AGAP1: variants seen among roughly 807,000 people sequenced by gnomAD.
AGAP1 encodes ArfGAP with GTPase domain, ankyrin repeat and PH domain 1, also known as arf-GAP with GTPase, ANK repeat and PH domain-containing protein 1.
AGAP1 carries 29 observed loss-of-function variants against 105.3 expected under a neutral mutation model. The ratio of observed to expected loss-of-function variants is 0.28; its 90% CI spans 0.21 to 0.38. The LOEUF (loss-of-function observed/expected upper bound fraction) is 0.38, where lower values mean the gene tolerates loss of function less well. Among genes scored for constraint, AGAP1 ranks in the 10% least tolerant of loss-of-function variants. The pLI, the probability that AGAP1 is intolerant of heterozygous loss-of-function variation, is 1.00. For synonymous variants in AGAP1, 509 were observed against 485.9 expected, an observed-to-expected ratio of 1.05 and a Z score of -0.63; for missense variants, 998 against 1,165.1, an observed-to-expected ratio of 0.86 and a Z score of 2.09.
At chr2:235,646,816 C>T (rs1169155878) in intron 1 of AGAP1, among the ~76,000 whole-genome samples, 1 of 152,302 alleles carries the variant, frequency 6.6e-6, no homozygotes, top group Middle Eastern at 3.4e-3. Flanking sequence ...GGCCGGGCTC[C>T]AAGCAAGCTT....
chr2:235,853,700 G>A (rs557115897), intron 9 of AGAP1, among the ~76,000 whole-genome samples: 1 of 152,242 alleles, frequency 6.6e-6, no homozygotes, highest in Non-Finnish European at 1.5e-5. Flanking sequence ...GCCTCATTTA[G>A]GGAGTAAAGT....
In AGAP1 at chr2:235,867,087, G is replaced by GGGGCGC. The variant is rs2049207628; in HGVS notation, c.1051-16257_1051-16252dup. Among the ~76,000 whole-genome samples, 2 of 152,318 alleles carry GGGGCGC rather than the reference G, an allele frequency of 1.3e-5. No homozygotes were observed. The highest frequency in any genetic ancestry group is 4.1e-4 in the South Asian group (2 of 4,826). ...CTGCAGCTCAGCATGGGAGGCTAAA[G>GGGGCGC]GGGCGCTCACCAGGATGGCCAGAGG... is the stretch of plus-strand genomic sequence containing the variant. On this transcript the variant is annotated intron_variant, in intron 9 of 17. Transcript: ENST00000304032. This position sits in a 1 kb window ranked among gnomAD's most constrained non-coding sequence, Gnocchi z 5.4.
At chr2:236,110,917 C>T (rs901036537) in intron 16 of AGAP1, among the ~76,000 whole-genome samples, 7 of 152,314 alleles carry the variant, frequency 4.6e-5, no homozygotes, top group Non-Finnish European at 5.9e-5. Context: ...CCGGCAGATT[C>T]GGTGTCTGGT....
chr2:235,783,313 C>G (rs1352391127), intron 6 of AGAP1: 2 of 470,530 alleles, frequency 4.3e-6, no homozygotes, highest in East Asian at 7.0e-5. Context: ...CATTTACATA[C>G]CTCAGGTCAA....
intron 1 of AGAP1, chr2:235,670,033 G>T (rs1352287865): frequency 3.1e-5 from 11 of 354,240 alleles, no homozygotes; most frequent in Non-Finnish European, 5.5e-5. Flanking sequence ...TGCCCTCCCC[G>T]CTTGGCCCGG....
chr2:235,949,691 A>G (rs2053650559), intron 12 of AGAP1, among the ~76,000 whole-genome samples: 2 of 151,978 alleles, frequency 1.3e-5, no homozygotes, highest in South Asian at 4.1e-4. Flanking sequence ...AAATCTTTCC[A>G]TTTTCCACTT....
At chr2:235,884,966 G>A (rs1232571162) in intron 10 of AGAP1, among the ~76,000 whole-genome samples, 1 of 151,970 alleles carries the variant, frequency 6.6e-6, no homozygotes, top group African/African-American at 2.4e-5. Flanking sequence ...GCCTAACCTC[G>A]CCTTCCCAAT....
chr2:235,893,139 G>A lies in AGAP1; in HGVS notation c.1155+9690G>A, dbSNP rs546620111. The stretch of plus-strand genomic sequence containing the variant: ...CATAAGGGTGCGCCATGTCTGTGGC[G>A]TAGTGTGCACCGTGTCCATCATAAG... On this transcript the variant is annotated intron_variant, in intron 10 of 17. Transcript: ENST00000304032. This position sits in a 1 kb window ranked among gnomAD's most constrained non-coding sequence, Gnocchi z 4.7. 3.9e-4 allele frequency among the ~76,000 whole-genome samples: 59 copies of A among 151,418 alleles called. No individual in the cohort carries two copies. The highest frequency in any genetic ancestry group is 2.1e-3 in the South Asian group (10 of 4,762).
rs182601613 is a variant in AGAP1, at chr2:236,038,636, T to A, written c.1800+1921T>A. 5.9e-5 allele frequency among the ~76,000 whole-genome samples: 9 copies of A among 152,326 alleles called. No individual in the cohort carries two copies. The highest frequency in any genetic ancestry group is 1.2e-4 in the Non-Finnish European group (8 of 68,032). On this transcript the variant is annotated intron_variant, in intron 14 of 17. Transcript: ENST00000304032. The surrounding 1 kb of genome is among the most constrained non-coding windows in gnomAD (Gnocchi z 4.5). ...GTGAGGGCATAAAACATGGAAATAC[T>A]GTCCACAAGGAGTAGCGGGAGGCAA...
In AGAP1 at chr2:235,979,060, C is replaced by A. The variant is rs1458363721; in HGVS notation, c.1645+10437C>A. ...TTCAGATGCAGTGAACCCAGTTTTT[C>A]TGTTCATTTTAAGATTGATATGCTT... On this transcript the variant is annotated intron_variant, in intron 13 of 17. Transcript: ENST00000304032. The surrounding 1 kb of genome is among the most constrained non-coding windows in gnomAD (Gnocchi z 4.5). Among the ~76,000 whole-genome samples the A allele has an allele frequency of 6.6e-6, 1 of 150,982 alleles. No homozygotes were observed. Among genetic ancestry groups the A allele is most frequent in the African/African-American group, 2.5e-5 (1 of 40,640 alleles).
chr2:235,869,927 G>C (rs915849295), intron 9 of AGAP1, among the ~76,000 whole-genome samples: 1 of 152,214 alleles, frequency 6.6e-6, no homozygotes, highest in South Asian at 2.1e-4. Context: ...CTTCCCAGGG[G>C]TGTAAAGCAG....
chr2:235,984,786 T>G (rs963077829), intron 13 of AGAP1, among the ~76,000 whole-genome samples: 2 of 152,142 alleles, frequency 1.3e-5, no homozygotes, highest in Non-Finnish European at 2.9e-5. Context: ...ATGATCTCAT[T>G]CCTTTTTATG....
At chr2:236,112,396 G>A (rs558610766) in intron 16 of AGAP1, among the ~76,000 whole-genome samples, 1 of 151,040 alleles carries the variant, frequency 6.6e-6, no homozygotes, top group East Asian at 1.9e-4. Context: ...ACCCTGGGTG[G>A]CACAGCGACA....
chr2:235,747,978 G>A lies in AGAP1; in HGVS notation c.539-2376G>A, dbSNP rs1953104687. 6.6e-6 allele frequency among the ~76,000 whole-genome samples: 1 copy of A among 152,244 alleles called. No homozygotes were observed. The highest frequency in any genetic ancestry group is 1.5e-5 in the Non-Finnish European group (1 of 68,048). The stretch of plus-strand genomic sequence containing the variant: ...AGCTCTGCCAGCAGGAGCTCTTTCT[G>A]GGCAGTAGCCAAGGACTGCACGAAT... On this transcript the variant is annotated intron_variant, in intron 5 of 17. Transcript: ENST00000304032. This position sits in a 1 kb window ranked among gnomAD's most constrained non-coding sequence, Gnocchi z 5.0.
At chr2:235,968,813 A>G (rs182371952) in intron 13 of AGAP1, among the ~76,000 whole-genome samples, 190 bp downstream of exon 13, 1 of 152,220 alleles carries the variant, frequency 6.6e-6, no homozygotes, top group African/African-American at 2.4e-5. Flanking sequence ...TGATTCTCAT[A>G]TTACGCAACC....
chr2:236,030,068 T>G (rs2125635938), intron 13 of AGAP1, among the ~76,000 whole-genome samples: 1 of 152,328 alleles, frequency 6.6e-6, no homozygotes, highest in South Asian at 2.1e-4. Flanking sequence ...GAGAGAGAGT[T>G]TATCTGAATC....
chr2:235,999,109 G>T (rs1459453553), intron 13 of AGAP1, among the ~76,000 whole-genome samples: 1 of 150,394 alleles, frequency 6.6e-6, no homozygotes, highest in Non-Finnish European at 1.5e-5. Flanking sequence ...AGAGGTGGTG[G>T]TGGTGGTGAC....
rs1576353842 is a variant in AGAP1, at chr2:236,121,727, G to T, written c.2370+1280G>T. Among the ~76,000 whole-genome samples, 1 of 152,218 alleles carries T rather than the reference G, an allele frequency of 6.6e-6. No individual in the cohort carries two copies. The highest frequency in any genetic ancestry group is 1.5e-5 in the Non-Finnish European group (1 of 68,048). On this transcript the variant is annotated intron_variant, in intron 17 of 17. Transcript: ENST00000304032. The surrounding 1 kb of genome is among the most constrained non-coding windows in gnomAD (Gnocchi z 4.9). Reference sequence around the variant, plus strand: ...ATGTAATGCACATTAAATAAGAGTTGTGTGTAGTGTGCTAGGGCTGCCATA... The same window carrying T: ...ATGTAATGCACATTAAATAAGAGTTTTGTGTAGTGTGCTAGGGCTGCCATA...
rs1223826254 is a variant in AGAP1, at chr2:235,874,915, TATC to T, written c.1051-8427_1051-8425del. Among the ~76,000 whole-genome samples, 2 of 152,188 alleles carry T rather than the reference TATC, an allele frequency of 1.3e-5. No individual in the cohort carries two copies. The highest frequency in any genetic ancestry group is 2.4e-5 in the African/African-American group (1 of 41,440). On this transcript the variant is annotated intron_variant, in intron 9 of 17. Coordinates refer to ENST00000304032, the MANE Select transcript of AGAP1 (RefSeq NM_001037131.3). The surrounding 1 kb of genome is among the most constrained non-coding windows in gnomAD (Gnocchi z 4.5). ...ACCCTCTTATCAGAGAAATTGTCAA[TATC>T]ATGGCCCCACATTTCCATTAGATAG...
Sources: allele counts gnomAD v4.1 joint callset (sites outside exome capture counted in the v4.1 genomes callset), GRCh38; gene constraint gnomAD v4.1.1; non-coding constraint Gnocchi (gnomAD v3.1); transcripts MANE v1.5; gene names NCBI Gene and HGNC (gene_info 2026-07-23, HGNC 2026-07-21).